TTN: variants seen among roughly 807,000 people sequenced by gnomAD.
TTN encodes connectin.
In TTN, 1,525 loss-of-function variants were observed where a neutral mutation model predicts 3,223.0. The ratio of observed to expected loss-of-function variants is 0.47; its 90% CI spans 0.45 to 0.49. The LOEUF (loss-of-function observed/expected upper bound fraction) is 0.49. Ranked by LOEUF, TTN falls within the 20% of genes least tolerant of loss-of-function variation. TTN has a pLI of 0.00. For missense variants in TTN, 40,786 were observed against 43,424.0 expected (o/e 0.94, Z 5.40); for synonymous variants, 14,094 against 15,161.0 (o/e 0.93, Z 5.17).
intron 24 of TTN, 102 bp downstream of exon 24, chr2:178,778,772 T>C (rs907857251): frequency 6.0e-5 from 92 of 1,533,532 alleles, no homozygotes; most frequent in Non-Finnish European, 7.6e-5. Flanking sequence ...TTCTGTGCCA[T>C]TTTAGCCCTC....
Position 178,586,495 on chromosome 2 carries a change from G to T in TTN, c.64396+10C>A. On this transcript the variant is annotated intron_variant, in intron 308 of 362. Transcript: ENST00000589042. ...TACCACATGACATAAATGAAGCAAA[G>T]ACTACTTACACAGTTGTTCTTTGGC... is the stretch of plus-strand genomic sequence containing the variant. 6.2e-7 allele frequency: 1 copy of T among 1,610,786 alleles called. No individual in the cohort carries two copies.
At chr2:178,721,736 T>G in intron 78 of TTN, 111 bp downstream of exon 78, 1 of 1,224,240 alleles carries the variant, frequency 8.2e-7, no homozygotes, top group Non-Finnish European at 1.1e-6. Context: ...ACACAAATTC[T>G]AACATGTCCA....
chr2:178,664,608 A>G (rs773044076), intron 167 of TTN, 46 bp downstream of exon 167: 10 of 1,606,748 alleles, frequency 6.2e-6, no homozygotes, highest in Non-Finnish European at 7.7e-6. Context: ...ACATTTATAC[A>G]AGAAAAGACA....
At position 178,793,498 on chromosome 2, in the gene TTN, A is replaced by T. The variant is rs2093618655; in HGVS notation, c.1442T>A (p.Val481Glu). 5 of 1,614,126 alleles carry T rather than the reference A, an allele frequency of 3.1e-6. No individual in the cohort carries two copies. Among genetic ancestry groups the T allele is most frequent in the Admixed American group, 3.3e-5 (2 of 60,020 alleles). ...TTGTTCCTTGGCTTTATCGGCGGCC[A>T]CTACTACCTTAGTTACAGCAGTCTT... is the stretch of plus-strand genomic sequence containing the variant. ...AEKTAVTKVVVAADKAKEQEL... is the reference protein window; with the variant it reads ...AEKTAVTKVVEAADKAKEQEL... The change falls in exon 9 of 363, where the codon GTG becomes GAG. Residue 481 changes from valine (V) to glutamate (E), a missense_variant. Transcript: ENST00000589042.
chr2:178,566,242 T>C lies in TTN; in HGVS notation c.79890A>G (p.Glu26630=). 6.2e-7 allele frequency: 1 copy of C among 1,613,714 alleles called. No individual in the cohort carries two copies. The highest frequency in any genetic ancestry group is 8.5e-7 in the Non-Finnish European group (1 of 1,179,690). Residue 26630 remains glutamate (E), a synonymous_variant, in exon 326 of 363, where the codon GAA becomes GAG. Transcript: ENST00000589042. ...PTPEITWSRE[E]GEFTDKVQIE... ...TTTGGACCTTATCTGTGAATTCACC[T>C]TCCTCTCGAGACCAAGTGATCTCAG...
chr2:178,694,193 G>T (rs1014291426), intron 117 of TTN, among the ~76,000 whole-genome samples, 185 bp from the exon 118 acceptor site: 2 of 152,096 alleles, frequency 1.3e-5, no homozygotes, highest in Non-Finnish European at 2.9e-5. Flanking sequence ...AACAATGCAT[G>T]CAGCCTTCAT....
At chr2:178,751,514 TC>T in intron 47 of TTN, 1 of 1,613,432 alleles carries the variant, frequency 6.2e-7, no homozygotes, top group Non-Finnish European at 8.5e-7. Flanking sequence ...CTTTATCCTA[TC>T]TTCTCCCCTT....
At chr2:178,707,309 A>G (rs1329517588) in intron 100 of TTN, among the ~76,000 whole-genome samples, 1 of 152,254 alleles carries the variant, frequency 6.6e-6, no homozygotes, top group African/African-American at 2.4e-5. Flanking sequence ...TTCAAGAAAT[A>G]GGGTGGTAAA....
Position 178,693,640 on chromosome 2 carries a change from G to A in TTN, c.31563C>T (p.Ala10521=), listed in dbSNP as rs1577518934. The part of the protein sequence containing the change: ...EIVTEEKIHV[A]ISKRVEPPPK... ...GTGGTGGTTCAACCCTTTTGGAAAT[G>A]GCAACGTGAATTTTCTCTTCAGTAA... The change falls in exon 119 of 363, where the codon GCC becomes GCT. Residue 10521 remains alanine, a synonymous_variant. Transcript: ENST00000589042. 4 of 1,600,076 alleles carry A rather than the reference G, an allele frequency of 2.5e-6. No homozygotes were observed. Among genetic ancestry groups the A allele is most frequent in the African/African-American group, 2.7e-5 (2 of 74,612 alleles).
rs1223901169 is a variant in TTN, at chr2:178,590,173, C to T, written c.61552G>A (p.Val20518Ile). ...ITWTKEGKVL[V>I]REKRVDLIQD... ...ATAAGGTCCACCCTCTTTTCTCGGA[C>T]CAATACTTTGCCTTCCTTAGTCCAA... Residue 20518 changes from valine to isoleucine, a missense_variant, in exon 304 of 363, where the codon GTC (valine) becomes ATC (isoleucine). Physicochemically the swap from Val to Ile is conservative, Grantham distance 29. Coordinates refer to ENST00000589042, the MANE Select transcript of TTN (RefSeq NM_001267550.2). 3 of 1,612,178 alleles carry T rather than the reference C, an allele frequency of 1.9e-6. No homozygotes were observed. In the East Asian group the frequency reaches 6.7e-5, roughly 36 times the overall value.
At chr2:178,758,798 A>G in intron 44 of TTN, 186 bp downstream of exon 44, 1 of 656,946 alleles carries the variant, frequency 1.5e-6, no homozygotes, top group Admixed American at 2.4e-5. Context: ...GTGATGGTCT[A>G]TGATTCACAA....
At position 178,634,891 on chromosome 2, in the gene TTN, T is replaced by C; in HGVS notation, c.42025-42A>G. 1 of 1,585,882 alleles carries C rather than the reference T, an allele frequency of 6.3e-7. No individual in the cohort carries two copies. Among genetic ancestry groups the C allele is most frequent in the Non-Finnish European group, 8.5e-7 (1 of 1,170,744 alleles). ...TTAGTAACCATTTGAAAGAGATAAA[T>C]TCCCTATAGGAGAAGTGTTTCAGAT... On this transcript the variant is annotated intron_variant, in intron 228 of 362. Coordinates refer to ENST00000589042, the MANE Select transcript of TTN (RefSeq NM_001267550.2). This position sits in a 1 kb window ranked among gnomAD's most constrained non-coding sequence, Gnocchi z 4.6.
In TTN at chr2:178,561,422, A is replaced by C. The variant is rs1479599357; in HGVS notation, c.84710T>G (p.Ile28237Ser). ...TTCACAAGATTTACTGCATTTACCA[A>C]TTCCAGCAATATTTTCAGCATATAC... ...YRVYAENIAGIGKCSKSCEPV... is the reference protein window; with the variant it reads ...YRVYAENIAGSGKCSKSCEPV... Residue 28237 changes from isoleucine (I) to serine (S), a missense_variant, in exon 326 of 363, where the codon ATT becomes AGT. Transcript: ENST00000589042. 6.2e-7 allele frequency: 1 copy of C among 1,613,760 alleles called. No homozygotes were observed. Among genetic ancestry groups the C allele is most frequent in the Admixed American group, 1.7e-5 (1 of 59,980 alleles).
rs552545514 is a variant in TTN at position 178,649,562 on chromosome 2, G to C, written c.39965C>G (p.Ala13322Gly). ...VPTVKKPETP[A>G]AKVPEVPKKL... ...AACGATGAAGTGAATACCTTTAGCTGCTGGTGTTTCTGGCTTCTTAACAGT... is the reference window on the plus strand; with the variant it reads ...AACGATGAAGTGAATACCTTTAGCTCCTGGTGTTTCTGGCTTCTTAACAGT... The change falls in exon 212 of 363, where the codon GCA becomes GGA. Residue 13322 changes from alanine to glycine, a missense_variant. Physicochemically the swap from Ala to Gly is moderately conservative, Grantham distance 60. Transcript: ENST00000589042. The C allele has an allele frequency of 8.8e-5, 136 of 1,549,650 alleles. 3 individuals carry two copies. The South Asian group carries it at 1.6e-3, about 18-fold the overall frequency.
rs1262934361 is a variant in TTN, at chr2:178,749,035, C to G, written c.11311+4089G>C. The G allele has an allele frequency of 6.2e-7, 1 of 1,612,504 alleles. No homozygotes were observed. On this transcript the variant is annotated intron_variant, in intron 47 of 362. Coordinates refer to ENST00000589042, the MANE Select transcript of TTN (RefSeq NM_001267550.2). Reference sequence around the variant, plus strand: ...CAAATTCGATAATTCTATGCTTCACCTTTTTCCCCGGGTAGTGTATCTCTT... The same window carrying G: ...CAAATTCGATAATTCTATGCTTCACGTTTTTCCCCGGGTAGTGTATCTCTT...
In TTN at chr2:178,684,396, G is replaced by A; in HGVS notation, c.32656C>T (p.Gln10886Ter). 1.2e-6 allele frequency: 2 copies of A among 1,613,522 alleles called. No individual in the cohort carries two copies. Among genetic ancestry groups the A allele is most frequent in the South Asian group, 2.2e-5 (2 of 91,022 alleles). Residue 10886 changes from glutamine to a stop codon, truncating the protein, a stop_gained, in exon 132 of 363, where the codon CAA becomes TAA. Transcript: ENST00000589042. LOFTEE classifies it high-confidence loss of function. ...LPAKVTERHM[Q>*]ITQEEKVLVA... is the part of the protein sequence containing the mutation. ...AGAACTTTTTCTTCCTGGGTAATTT[G>A]CATGTGCCTCTCAGTCACTTAAAAG...
chr2:178,607,860 G>A lies in TTN; in HGVS notation c.52927C>T (p.Arg17643Trp), dbSNP rs375944265. 86 of 1,613,036 alleles carry A rather than the reference G, an allele frequency of 5.3e-5. No homozygotes were observed. In the African/African-American group the frequency reaches 6.1e-4, roughly 12 times the overall value. The change falls in exon 276 of 363, where the codon CGG (arginine) becomes TGG (tryptophan). Residue 17643 changes from arginine (R) to tryptophan (W), a missense_variant. Coordinates refer to ENST00000589042, the MANE Select transcript of TTN (RefSeq NM_001267550.2). ...CCTGCGGCATTGACAGCACTCACCC[G>A]AAGTTTGTAATCAGCACCCTCTCGG... ...EIREGADYKL[R>W]VSAVNAAGEG...
At position 178,621,919 on chromosome 2, in the gene TTN, G is replaced by A. The variant is rs727505079; in HGVS notation, c.45003C>T (p.Asn15001=). The A allele has an allele frequency of 6.8e-6, 11 of 1,612,050 alleles. No homozygotes were observed. The South Asian group carries it at 1.1e-4, about 16-fold the overall frequency. ...CAGCTTCATCATCCAGTAGACATTT[G>A]TTGATGACAAGAATGCGCACTGCTC... ...SKGAVRILVI[N]KCLLDDEAEY... Residue 15001 remains asparagine, a synonymous_variant, in exon 244 of 363, where the codon AAC becomes AAT. Transcript: ENST00000589042.
rs2154328333 is a variant in TTN at position 178,748,764 on chromosome 2, G to A, written c.11311+4360C>T. Reference sequence around the variant, plus strand: ...ATTTTTTCCTGTTGTTCCCTTTCTTGTGCGTCAAATTCTTTATGAGTTTGA... The same window carrying A: ...ATTTTTTCCTGTTGTTCCCTTTCTTATGCGTCAAATTCTTTATGAGTTTGA... On this transcript the variant is annotated intron_variant, in intron 47 of 362. Coordinates refer to ENST00000589042, the MANE Select transcript of TTN (RefSeq NM_001267550.2). 3.7e-6 allele frequency: 6 copies of A among 1,612,390 alleles called. No individual in the cohort carries two copies. In the South Asian group the frequency reaches 5.5e-5, roughly 15 times the overall value.
Sources: gnomAD v4.1 joint callset for allele counts (sites outside exome capture counted in the v4.1 genomes callset) on GRCh38, gnomAD v4.1.1 for gene constraint, Gnocchi (gnomAD v3.1) non-coding constraint, MANE v1.5 for transcripts, NCBI Gene and HGNC (gene_info 2026-07-23, HGNC 2026-07-21) for gene names.